Variants in LRP1B observed in about 807,000 individuals in gnomAD.
LRP1B encodes the protein LDL receptor related protein 1B.
LRP1B carries 217 observed loss-of-function variants against 556.6 expected under a neutral mutation model. The observed-to-expected ratio is 0.39, with a 90% confidence interval of 0.35 to 0.44. The LOEUF (loss-of-function observed/expected upper bound fraction) is 0.44, where lower values mean the gene tolerates loss of function less well. LRP1B is among the 20% of genes least tolerant of loss of function. The pLI, the probability that LRP1B is intolerant of heterozygous loss-of-function variation, is 1.00. For synonymous variants in LRP1B, 2,047 were observed against 1,865.8 expected (o/e 1.10, Z -2.50); for missense variants, 5,053 against 5,620.8 (o/e 0.90, Z 3.23).
At chr2:140,275,376 G>C (rs184683330) in intron 84 of LRP1B, among the ~76,000 whole-genome samples, 1 of 152,076 alleles carries the variant, frequency 6.6e-6, no homozygotes, top group East Asian at 1.9e-4. Context: ...TTTGTCTTAA[G>C]TTTTCATTTC....
intron 18 of LRP1B, among the ~76,000 whole-genome samples, chr2:140,958,827 C>A (rs556006763): frequency 1.3e-5 from 2 of 151,486 alleles, no homozygotes; most frequent in Non-Finnish European, 3.0e-5. Context: ...ACCACCCCCA[C>A]TGAAAAAATA....
chr2:141,861,870 C>G (rs1260944899), intron 1 of LRP1B, among the ~76,000 whole-genome samples: 1 of 151,550 alleles, frequency 6.6e-6, no homozygotes, highest in Admixed American at 6.6e-5. Flanking sequence ...GTGGAGGTTA[C>G]AGTGAGCCAA....
intron 66 of LRP1B, among the ~76,000 whole-genome samples, chr2:140,390,922 C>T (rs1683989806): frequency 6.6e-6 from 1 of 151,824 alleles, no homozygotes; most frequent in African/African-American, 2.4e-5. Flanking sequence ...ATCAAAAAGG[C>T]CATATCTAAT....
intron 23 of LRP1B, among the ~76,000 whole-genome samples, chr2:140,891,160 G>A (rs984249852): frequency 2.0e-5 from 3 of 152,080 alleles, no homozygotes; most frequent in Non-Finnish European, 4.4e-5. Context: ...TATACTTTTT[G>A]TAAGTGACAA....
rs2105192186 is a variant in LRP1B at position 140,886,185 on chromosome 2, T to A, written c.3917A>T (p.Asp1306Val). 1 of 1,611,280 alleles carries A rather than the reference T, an allele frequency of 6.2e-7. No individual in the cohort carries two copies. The highest frequency in any genetic ancestry group is 8.5e-7 in the Non-Finnish European group (1 of 1,178,178). ...CCGGTATATTCTGTCTTCTACAACA[T>A]CTGTCCAATAAAGTAAACTTTGATT... ...HFNQSLLYWT[D>V]VVEDRIYRGK... The change falls in exon 24 of 91, where the codon GAT becomes GTT. Residue 1306 changes from aspartate to valine, a missense_variant. By Grantham distance (152) the Asp-to-Val change is radical (BLOSUM62 -3). Coordinates refer to ENST00000389484, the MANE Select transcript of LRP1B (RefSeq NM_018557.3).
intron 7 of LRP1B, among the ~76,000 whole-genome samples, chr2:141,093,540 C>T (rs1030348345): frequency 2.0e-5 from 3 of 152,080 alleles, no homozygotes; most frequent in Non-Finnish European, 1.5e-5. Flanking sequence ...GTTTTGCTTG[C>T]TGTTTGTTTG....
chr2:142,046,568 T>C (rs563601900), intron 1 of LRP1B, among the ~76,000 whole-genome samples: 67 of 152,086 alleles, frequency 4.4e-4, no homozygotes, highest in South Asian at 1.7e-3. Context: ...AATTTCTGTA[T>C]ATACAATTTT....
In LRP1B at chr2:141,121,834, C is replaced by T. The variant is rs552664713; in HGVS notation, c.1014-59561G>A. ...AAAGAACAAAGCTGGAGACATCACG[C>T]TACCTGACTTCATGCTATACTACAA... On this transcript the variant is annotated intron_variant, in intron 7 of 90. Transcript: ENST00000389484. Among the ~76,000 whole-genome samples, 13 of 152,230 alleles carry T rather than the reference C, an allele frequency of 8.5e-5. 1 individual carries two copies. In the East Asian group the frequency reaches 2.5e-3, roughly 29 times the overall value.
At chr2:141,944,737 A>T (rs1361006085) in intron 1 of LRP1B, among the ~76,000 whole-genome samples, 1 of 152,162 alleles carries the variant, frequency 6.6e-6, no homozygotes, top group East Asian at 1.9e-4. Flanking sequence ...AAAAATGAGA[A>T]TACAATAAAA....
At chr2:141,612,384 C>T (rs1688136824) in intron 2 of LRP1B, among the ~76,000 whole-genome samples, 1 of 152,020 alleles carries the variant, frequency 6.6e-6, no homozygotes, top group Admixed American at 6.6e-5. Context: ...TTGAGGAATC[C>T]CTATTAGAGA....
intron 3 of LRP1B, among the ~76,000 whole-genome samples, chr2:141,433,113 C>G (rs967565175): frequency 3.3e-5 from 5 of 152,030 alleles, no homozygotes; most frequent in Non-Finnish European, 7.4e-5. Flanking sequence ...AAAGTATTTT[C>G]TAACTTTACT....
intron 31 of LRP1B, among the ~76,000 whole-genome samples, chr2:140,816,648 T>C (rs1347433555): frequency 6.6e-6 from 1 of 152,174 alleles, no homozygotes; most frequent in Non-Finnish European, 1.5e-5. Context: ...TCCCTCCATA[T>C]ATCTTCTTTC....
chr2:140,394,854 TGTAA>T (rs1684181386), intron 66 of LRP1B, among the ~76,000 whole-genome samples: 1 of 152,156 alleles, frequency 6.6e-6, no homozygotes, highest in African/African-American at 2.4e-5. Flanking sequence ...CCATTGAGAT[TGTAA>T]GTATCATAAC....
At chr2:141,474,484 T>C (rs1682626329) in intron 3 of LRP1B, among the ~76,000 whole-genome samples, 1 of 152,176 alleles carries the variant, frequency 6.6e-6, no homozygotes, top group East Asian at 1.9e-4. Flanking sequence ...GCTACATAAA[T>C]TTTTAATTAA....
At chr2:141,948,493 C>G (rs749179981) in intron 1 of LRP1B, among the ~76,000 whole-genome samples, 5 of 151,826 alleles carry the variant, frequency 3.3e-5, no homozygotes, top group East Asian at 1.9e-4. Flanking sequence ...TTCTGAGTTT[C>G]AAGAGCTTGC....
intron 3 of LRP1B, among the ~76,000 whole-genome samples, chr2:141,284,722 A>G (rs1685641092): frequency 6.6e-6 from 1 of 152,204 alleles, no homozygotes; most frequent in Non-Finnish European, 1.5e-5. Context: ...TTGTGAAAAG[A>G]CTTTTTTCCA....
chr2:140,908,646 C>A (rs1472271123), intron 21 of LRP1B, among the ~76,000 whole-genome samples: 1 of 150,884 alleles, frequency 6.6e-6, no homozygotes, highest in East Asian at 1.9e-4. Flanking sequence ...AAGAGAATAT[C>A]AAATGATATC....
intron 60 of LRP1B, among the ~76,000 whole-genome samples, chr2:140,462,897 C>G (rs1687380500): frequency 6.6e-6 from 1 of 152,180 alleles, no homozygotes; most frequent in African/African-American, 2.4e-5. Flanking sequence ...TTGATCCCCT[C>G]TTTTGAGAGA....
intron 31 of LRP1B, among the ~76,000 whole-genome samples, chr2:140,819,220 C>T (rs1028757488): frequency 2.1e-5 from 3 of 139,820 alleles, no homozygotes; most frequent in Non-Finnish European, 4.9e-5. Context: ...ATTTCCCTTT[C>T]AAGCTAAGGC....
Sources: gnomAD v4.1 joint callset for allele counts (sites outside exome capture counted in the v4.1 genomes callset) on GRCh38, gnomAD v4.1.1 for gene constraint, MANE v1.5 for transcripts, NCBI Gene and HGNC (gene_info 2026-07-23, HGNC 2026-07-21) for gene names.